LYPLAL1: variants seen among roughly 807,000 people sequenced by gnomAD.
LYPLAL1 encodes the protein lysophospholipase-like protein 1.
LYPLAL1 carries 23 observed loss-of-function variants against 19.7 expected under a neutral mutation model. The observed-to-expected ratio is 1.17, with a 90% confidence interval of 0.84 to 1.65. The LOEUF (loss-of-function observed/expected upper bound fraction) is 1.65, where lower values mean the gene tolerates loss of function less well. Ranked by LOEUF, LYPLAL1 falls within the 40% of genes most tolerant of loss-of-function variation. The probability of loss-of-function intolerance (pLI) is 0.00; values close to 1 mark genes in which losing one functional copy is unlikely to be tolerated. For missense variants in LYPLAL1, 355 were observed against 279.4 expected, an observed-to-expected ratio of 1.27 and a Z score of -1.93; for synonymous variants, 119 against 96.3, an observed-to-expected ratio of 1.24 and a Z score of -1.38.
the LYPLAL1 span, among the ~76,000 whole-genome samples, chr1:219,320,613 C>T: frequency 2.0e-5 from 3 of 151,982 alleles, no homozygotes; most frequent in Non-Finnish European, 4.4e-5. Flanking sequence ...ACGACAGGTC[C>T]TGGTGTGTGA....
the LYPLAL1 span, among the ~76,000 whole-genome samples, chr1:219,250,161 T>G: frequency 6.6e-6 from 1 of 152,078 alleles, no homozygotes; most frequent in Non-Finnish European, 1.5e-5. Flanking sequence ...ATATTACTCT[T>G]TAGATCTATA....
At chr1:219,174,330 A>G (rs2125007559) in intron 1 of LYPLAL1, 2 of 1,118,250 alleles carry the variant, frequency 1.8e-6, no homozygotes, top group Non-Finnish European at 2.2e-6. Context: ...GAGGGAAATT[A>G]TTTAGTGTTT....
chr1:219,408,254 C>A, the LYPLAL1 span, among the ~76,000 whole-genome samples: 1 of 152,138 alleles, frequency 6.6e-6, no homozygotes, highest in African/African-American at 2.4e-5. Flanking sequence ...ATGTTGAGAG[C>A]AATAAAATAT....
chr1:219,279,211 T>C, the LYPLAL1 span, among the ~76,000 whole-genome samples: 42 of 152,130 alleles, frequency 2.8e-4, no homozygotes, highest in Non-Finnish European at 8.8e-5. Flanking sequence ...TCTGACTATG[T>C]GGGAAGAGGA....
the LYPLAL1 span, among the ~76,000 whole-genome samples, chr1:219,250,923 C>T: frequency 3.9e-5 from 6 of 152,078 alleles, no homozygotes; most frequent in Admixed American, 6.6e-5. Context: ...CTCCCACCAA[C>T]AGTGTATAAG....
the LYPLAL1 span, among the ~76,000 whole-genome samples, chr1:219,413,514 A>G: frequency 6.6e-6 from 1 of 152,050 alleles, no homozygotes. Context: ...GGAAATTCCT[A>G]TTTATTTTAG....
chr1:219,186,260 G>A (rs998369251), intron 2 of LYPLAL1, among the ~76,000 whole-genome samples: 1 of 151,718 alleles, frequency 6.6e-6, no homozygotes, highest in Non-Finnish European at 1.5e-5. Flanking sequence ...TTATGGCTTT[G>A]CATATGGTCT....
chr1:219,347,218 T>A, the LYPLAL1 span, among the ~76,000 whole-genome samples: 4 of 152,350 alleles, frequency 2.6e-5, no homozygotes, highest in African/African-American at 9.6e-5. Flanking sequence ...CTGGACAAGC[T>A]GCTATGCCCA....
At chr1:219,359,410 A>G in the LYPLAL1 span, among the ~76,000 whole-genome samples, 1 of 152,196 alleles carries the variant, frequency 6.6e-6, no homozygotes, top group East Asian at 1.9e-4. Context: ...GAGCTCTTTT[A>G]GAGCATAAAA....
chr1:219,338,868 AATAAT>A, the LYPLAL1 span, among the ~76,000 whole-genome samples: 1 of 151,688 alleles, frequency 6.6e-6, no homozygotes, highest in Admixed American at 6.6e-5. Flanking sequence ...TAATTATTTT[AATAAT>A]ATAATATATT....
chr1:219,299,398 A>G, the LYPLAL1 span, among the ~76,000 whole-genome samples: 3 of 152,340 alleles, frequency 2.0e-5, no homozygotes, highest in East Asian at 5.8e-4. Context: ...GTTTAAAAAA[A>G]GAAGGTATCA....
At chr1:219,295,905 T>TG in the LYPLAL1 span, among the ~76,000 whole-genome samples, 1 of 152,130 alleles carries the variant, frequency 6.6e-6, no homozygotes, top group Non-Finnish European at 1.5e-5. Context: ...CCTTCCACCT[T>TG]CTCCAATGAA....
chr1:219,189,241 CAAAT>C (rs1471828287), intron 2 of LYPLAL1, among the ~76,000 whole-genome samples: 1 of 151,518 alleles, frequency 6.6e-6, no homozygotes, highest in Admixed American at 6.6e-5. Context: ...TTTAGACAGA[CAAAT>C]AAACACAGAA....
At chr1:219,444,413 C>A in the LYPLAL1 span, among the ~76,000 whole-genome samples, 5 of 152,152 alleles carry the variant, frequency 3.3e-5, no homozygotes, top group Admixed American at 6.5e-5. Flanking sequence ...CTTCCCCAAC[C>A]ATCAAAAATA....
chr1:219,299,753 A>G, the LYPLAL1 span, among the ~76,000 whole-genome samples: 5 of 152,284 alleles, frequency 3.3e-5, no homozygotes, highest in South Asian at 4.1e-4. Flanking sequence ...AAATATATCA[A>G]TGGTTCAGAA....
intron 1 of LYPLAL1, among the ~76,000 whole-genome samples, chr1:219,175,958 A>T (rs1054908530): frequency 1.3e-5 from 2 of 152,210 alleles, no homozygotes; most frequent in Non-Finnish European, 2.9e-5. Flanking sequence ...CTAGCTTTTT[A>T]AAAAGTGGAC....
the LYPLAL1 span, among the ~76,000 whole-genome samples, chr1:219,347,768 A>C: frequency 6.6e-5 from 10 of 152,210 alleles, no homozygotes; most frequent in African/African-American, 2.2e-4. Context: ...TTGTCAGAAA[A>C]ACTTCTTTCA....
chr1:219,377,166 T>C, the LYPLAL1 span, among the ~76,000 whole-genome samples: 1 of 152,166 alleles, frequency 6.6e-6, no homozygotes, highest in Admixed American at 6.5e-5. Flanking sequence ...CCAAAAGAAA[T>C]TCTGACACAT....
the LYPLAL1 span, chr1:219,437,236 G>A: frequency 6.6e-6 from 1 of 152,198 alleles, no homozygotes; most frequent in Non-Finnish European, 1.5e-5. Context: ...TGAGCTCAGA[G>A]CAGGAGCAGG....
Sources: gnomAD v4.1 joint callset for allele counts (sites outside exome capture counted in the v4.1 genomes callset) on GRCh38, gnomAD v4.1.1 for gene constraint, MANE v1.5 for transcripts, NCBI Gene and HGNC (gene_info 2026-07-23, HGNC 2026-07-21) for gene names.